The following AFF3 variants were observed in gnomAD, a reference collection of about 807,000 sequenced individuals.
AFF3 encodes the protein AF4/FMR2 family member 3.
A neutral mutation model predicts 129.7 loss-of-function variants in AFF3; 32 were observed. The ratio of observed to expected loss-of-function variants is 0.25; its 90% CI spans 0.19 to 0.33. The LOEUF is 0.33. AFF3 is among the 10% of genes least tolerant of loss of function. The probability of loss-of-function intolerance (pLI) is 1.00; values close to 1 mark genes in which losing one functional copy is unlikely to be tolerated. For missense variants in AFF3, 1,373 were observed against 1,592.0 expected (o/e 0.86, Z 2.34); for synonymous variants, 644 against 635.4 (o/e 1.01, Z -0.20).
intron 7 of AFF3, among the ~76,000 whole-genome samples, chr2:99,965,805 G>A (rs1677687168): frequency 6.6e-6 from 1 of 152,190 alleles, no homozygotes; most frequent in Non-Finnish European, 1.5e-5. Flanking sequence ...AGTGGGGCGA[G>A]CTCTCAAGAT....
intron 7 of AFF3, among the ~76,000 whole-genome samples, chr2:99,874,131 C>T (rs10188805): frequency 0.055 from 8,367 of 152,060 alleles, 787 homozygotes; most frequent in African/African-American, 0.19. Context: ...GAGTCGAGAT[C>T]GCGCCACTGC....
intron 7 of AFF3, among the ~76,000 whole-genome samples, chr2:99,869,460 T>C (rs1423665503): frequency 2.0e-5 from 3 of 152,126 alleles, no homozygotes; most frequent in African/African-American, 2.4e-5. Flanking sequence ...GAATCTAAGA[T>C]GATTTGATAG....
chr2:99,552,203 T>G (rs1325329547), intron 24 of AFF3, among the ~76,000 whole-genome samples: 1 of 152,046 alleles, frequency 6.6e-6, no homozygotes, highest in Non-Finnish European at 1.5e-5. Context: ...CAGGACAACA[T>G]GGCAAAACCC....
intron 4 of AFF3, among the ~76,000 whole-genome samples, chr2:100,026,586 G>A (rs1426631973): frequency 1.3e-5 from 2 of 151,998 alleles, no homozygotes; most frequent in African/African-American, 4.8e-5. Context: ...ATACGAAAAA[G>A]ATACTTGCAC....
chr2:99,715,657 T>C (rs1195144386), intron 11 of AFF3, among the ~76,000 whole-genome samples: 1 of 149,192 alleles, frequency 6.7e-6, no homozygotes, highest in Admixed American at 6.8e-5. Flanking sequence ...TTCTGATTTA[T>C]GTAGGTCATT....
intron 7 of AFF3, among the ~76,000 whole-genome samples, chr2:99,865,108 G>T (rs1022686123): frequency 6.6e-6 from 1 of 152,194 alleles, no homozygotes; most frequent in Non-Finnish European, 1.5e-5. Flanking sequence ...GTGGTGGTTG[G>T]ATGGAAACCA....
intron 11 of AFF3, among the ~76,000 whole-genome samples, chr2:99,678,135 G>C (rs1439377216): frequency 6.6e-6 from 1 of 152,156 alleles, no homozygotes; most frequent in Non-Finnish European, 1.5e-5. Flanking sequence ...AAATGCCTTC[G>C]AATTGTGAAG....
chr2:99,715,068 C>G (rs1678256544), intron 11 of AFF3, among the ~76,000 whole-genome samples: 1 of 152,214 alleles, frequency 6.6e-6, no homozygotes, highest in South Asian at 2.1e-4. Context: ...TCCTGCAGGA[C>G]CTGCATCCTT....
chr2:99,607,402 G>C (rs1312717111), intron 13 of AFF3, among the ~76,000 whole-genome samples: 1 of 151,884 alleles, frequency 6.6e-6, no homozygotes, highest in Non-Finnish European at 1.5e-5. Context: ...TGTGGTGGTG[G>C]GCGCCTATAA....
intron 8 of AFF3, among the ~76,000 whole-genome samples, chr2:99,753,599 C>A (rs1204137706): frequency 6.6e-6 from 1 of 152,140 alleles, no homozygotes; most frequent in African/African-American, 2.4e-5. Context: ...CGGGCACCTT[C>A]TTTTCTTGGG....
At chr2:99,826,617 G>A (rs937960729) in intron 8 of AFF3, among the ~76,000 whole-genome samples, 33 of 152,096 alleles carry the variant, frequency 2.2e-4, no homozygotes, top group African/African-American at 7.2e-4. Flanking sequence ...CATGAGTTGC[G>A]CCCAGAGGTG....
At chr2:99,622,853 A>G (rs1682163964) in intron 13 of AFF3, among the ~76,000 whole-genome samples, 1 of 152,232 alleles carries the variant, frequency 6.6e-6, no homozygotes, top group Non-Finnish European at 1.5e-5. Flanking sequence ...GGGCACAGGC[A>G]GGACGACTCA....
intron 13 of AFF3, among the ~76,000 whole-genome samples, chr2:99,646,592 C>T (rs1345449520): frequency 6.6e-6 from 1 of 152,122 alleles, no homozygotes; most frequent in African/African-American, 2.4e-5. Context: ...AGATATTGGG[C>T]CTAGAACCCC....
chr2:99,885,928 T>C (rs1242233999), intron 7 of AFF3, among the ~76,000 whole-genome samples: 1 of 152,186 alleles, frequency 6.6e-6, no homozygotes, highest in East Asian at 1.9e-4. Context: ...AAGAGAGGCT[T>C]ACCTGTTACC....
chr2:99,976,768 T>G (rs1186490742), intron 7 of AFF3, among the ~76,000 whole-genome samples: 1 of 151,662 alleles, frequency 6.6e-6, no homozygotes, highest in African/African-American at 2.4e-5. Context: ...TTGGACATTT[T>G]CAGTAGAAAA....
In AFF3 at chr2:99,876,861, G is replaced by A. The variant is rs997197254; in HGVS notation, c.874-39337C>T. ...CACATGCTGTTTCTCAACCTGGAACGTATTTCCTCCAGCTTTTCAGCTCTC... is the reference window on the plus strand; with the variant it reads ...CACATGCTGTTTCTCAACCTGGAACATATTTCCTCCAGCTTTTCAGCTCTC... On this transcript the variant is annotated intron_variant, in intron 7 of 24. Coordinates refer to ENST00000672756, the MANE Select transcript of AFF3 (RefSeq NM_001386135.1). 3.3e-5 allele frequency among the ~76,000 whole-genome samples: 5 copies of A among 152,194 alleles called. No individual in the cohort carries two copies. The South Asian group carries it at 6.2e-4, about 19-fold the overall frequency.
intron 12 of AFF3, among the ~76,000 whole-genome samples, chr2:99,653,522 G>T (rs77319403): frequency 6.6e-6 from 1 of 152,342 alleles, no homozygotes; most frequent in African/African-American, 2.4e-5. Context: ...TTTAAAAAGC[G>T]AAAGGAAAAC....
At chr2:100,105,950 G>C (rs1345122078) in intron 2 of AFF3, 7 of 1,327,936 alleles carry the variant, frequency 5.3e-6, no homozygotes, top group Non-Finnish European at 7.0e-6. Flanking sequence ...AAGAACCGCT[G>C]ACTGGGGCTG....
chr2:99,554,878 G>A, intron 22 of AFF3, 146 bp from the exon 23 acceptor site: 1 of 861,464 alleles, frequency 1.2e-6, no homozygotes, highest in Non-Finnish European at 1.8e-6. Context: ...GACCTGGGAA[G>A]TCTCCATCAC....
Sources: allele counts gnomAD v4.1 joint callset (sites outside exome capture counted in the v4.1 genomes callset), GRCh38; gene constraint gnomAD v4.1.1; transcripts MANE v1.5; gene names NCBI Gene and HGNC (gene_info 2026-07-23, HGNC 2026-07-21).